Variants in NHSL2 observed in about 807,000 individuals in gnomAD.
NHSL2 encodes the protein NHS like 2, also known as NHS-like protein 2.
NHSL2 carries 27 observed loss-of-function variants against 53.4 expected under a neutral mutation model. The ratio of observed to expected loss-of-function variants is 0.51; its 90% confidence interval spans 0.37 to 0.70. The LOEUF (loss-of-function observed/expected upper bound fraction) is 0.70. NHSL2 is among the 30% of genes least tolerant of loss of function. The probability of loss-of-function intolerance (pLI) is 0.00; values close to 1 mark genes in which losing one functional copy is unlikely to be tolerated. For missense variants in NHSL2, 892 were observed against 980.1 expected, an observed-to-expected ratio of 0.91 and a Z score of 1.20; for synonymous variants, 408 against 404.1, an observed-to-expected ratio of 1.01 and a Z score of -0.12.
At chrX:72,039,990 C>A (rs1205673193) in intron 1 of NHSL2, among the ~76,000 whole-genome samples, 1 of 112,284 alleles carries the variant, frequency 8.9e-6, no homozygotes, top group Non-Finnish European at 1.9e-5. Flanking sequence ...TAGTTATTAT[C>A]ATTTCCATTA....
rs766826456 is a variant in NHSL2 at position 72,007,546 on chromosome X, C to T, written c.280+96179C>T. ...CCCCACATCACTGGCCTGGCTCTTG[C>T]CAAAGAAAGGTGGGCATGAGAAGAG... On this transcript the variant is annotated intron_variant, in intron 1 of 7. Coordinates refer to ENST00000633930, the MANE Select transcript of NHSL2 (RefSeq NM_001013627.3). Among the ~76,000 whole-genome samples the T allele has an allele frequency of 3.5e-5, 4 of 113,035 alleles. No homozygotes were observed. The Admixed American group carries it at 3.7e-4, about 10-fold the overall frequency.
chrX:71,966,705 G>A (rs763492220), intron 1 of NHSL2, among the ~76,000 whole-genome samples: 2 of 111,321 alleles, frequency 1.8e-5, no homozygotes, highest in African/African-American at 6.5e-5. Flanking sequence ...ATATTTTGTC[G>A]AGGATTTTTG....
intron 1 of NHSL2, chrX:72,130,753 T>C (rs765894115): frequency 8.3e-7 from 1 of 1,211,704 alleles, no homozygotes; most frequent in East Asian, 3.0e-5. Context: ...AGACAAGAAT[T>C]GGGCCAGGAA....
Position 72,072,202 on chromosome X carries a change from T to C in NHSL2, c.281-59877T>C, listed in dbSNP as rs1392915342. Among the ~76,000 whole-genome samples, 3 of 113,051 alleles carry C rather than the reference T, an allele frequency of 2.7e-5. No homozygotes were observed. The East Asian group carries it at 8.2e-4, about 31-fold the overall frequency. On this transcript the variant is annotated intron_variant, in intron 1 of 7. Transcript: ENST00000633930. Reference sequence around the variant, plus strand: ...CAAGTTCTGTATATATTTTAATGTGTATTCAAAAAATATATAACTAATACA... The same window carrying C: ...CAAGTTCTGTATATATTTTAATGTGCATTCAAAAAATATATAACTAATACA...
chrX:72,052,934 C>T (rs2042349098), intron 1 of NHSL2, among the ~76,000 whole-genome samples: 1 of 112,099 alleles, frequency 8.9e-6, no homozygotes, highest in Non-Finnish European at 1.9e-5. Flanking sequence ...ACTCAGCCCT[C>T]ATGCCCTCTG....
At chrX:71,938,926 G>A (rs747654968) in intron 1 of NHSL2, among the ~76,000 whole-genome samples, 23 of 112,765 alleles carry the variant, frequency 2.0e-4, no homozygotes, top group Non-Finnish European at 9.4e-5. Flanking sequence ...CGTAAGGTGC[G>A]GAGATGAGCA....
At chrX:71,964,314 T>C (rs2041891540) in intron 1 of NHSL2, among the ~76,000 whole-genome samples, 1 of 104,475 alleles carries the variant, frequency 9.6e-6, no homozygotes, top group South Asian at 4.4e-4. Context: ...ACATGCAGTG[T>C]TTGGTTTTCT....
At position 71,911,256 on chromosome X, in the gene NHSL2, C is replaced by T. The variant is rs2147804169; in HGVS notation, c.169C>T (p.His57Tyr). 8.7e-7 allele frequency: 1 copy of T among 1,145,524 alleles called. No individual in the cohort carries two copies. The highest frequency in any genetic ancestry group is 3.3e-5 in the East Asian group (1 of 29,930). The allele number at this position is 1,145,524 out of a possible 1,213,427, so 94.4% of individuals were successfully genotyped here. The change falls in exon 1 of 8, where the codon CAC becomes TAC. Residue 57 changes from histidine to tyrosine, a missense_variant. Physicochemically the swap from His to Tyr is moderately conservative, Grantham distance 83. Transcript: ENST00000633930. ...GGCTCTGCTCGAGGACCTCGAGGGG[C>T]ACCTGCTGGCCCTGGGGCGCCGCAC... ...SLALLEDLEG[H>Y]LLALGRRTDS... is the part of the protein sequence containing the mutation.
At chrX:72,141,922 C>T (rs1046014399) in intron 6 of NHSL2, among the ~76,000 whole-genome samples, 3 of 111,824 alleles carry the variant, frequency 2.7e-5, no homozygotes, top group Admixed American at 9.5e-5. Context: ...TAGTTTAGAT[C>T]ACTCCCAGCT....
At chrX:72,081,643 A>T (rs1216004844) in intron 1 of NHSL2, among the ~76,000 whole-genome samples, 1 of 111,794 alleles carries the variant, frequency 8.9e-6, no homozygotes, top group African/African-American at 3.3e-5. Flanking sequence ...GAGCCTTTAA[A>T]AAACAGACGC....
At chrX:72,088,050 G>C (rs1014666640) in intron 1 of NHSL2, among the ~76,000 whole-genome samples, 4 of 110,498 alleles carry the variant, frequency 3.6e-5, no homozygotes, top group Non-Finnish European at 3.8e-5. Flanking sequence ...GACCAACATG[G>C]AGAAACCCCG....
chrX:72,087,946 T>C (rs1300973670), intron 1 of NHSL2, among the ~76,000 whole-genome samples: 1 of 111,921 alleles, frequency 8.9e-6, no homozygotes, highest in Admixed American at 9.4e-5. Flanking sequence ...GGCTCACTCC[T>C]GTAATCCCAG....
intron 1 of NHSL2, among the ~76,000 whole-genome samples, chrX:72,106,664 A>C (rs2042043263): frequency 8.9e-6 from 1 of 112,160 alleles, no homozygotes; most frequent in South Asian, 3.7e-4. Context: ...ACACACACAC[A>C]GATATGTTTA....
intron 1 of NHSL2, among the ~76,000 whole-genome samples, chrX:72,124,969 C>T (rs2042211123): frequency 8.9e-6 from 1 of 112,160 alleles, no homozygotes. Context: ...TCCCCTTCCA[C>T]AGGGCAGCCA....
chrX:71,927,094 TTTG>T (rs1275617110), intron 1 of NHSL2, among the ~76,000 whole-genome samples: 1 of 112,097 alleles, frequency 8.9e-6, no homozygotes, highest in Non-Finnish European at 1.9e-5. Context: ...GTATGCTTCA[TTTG>T]AGAGACAGAA....
chrX:71,930,406 A>G lies in NHSL2; in HGVS notation c.280+19039A>G, dbSNP rs144787637. Among the ~76,000 whole-genome samples, 74 of 112,450 alleles carry G rather than the reference A, an allele frequency of 6.6e-4. No individual in the cohort carries two copies. In the East Asian group the frequency reaches 0.019, roughly 28 times the overall value. On this transcript the variant is annotated intron_variant, in intron 1 of 7. Coordinates refer to ENST00000633930, the MANE Select transcript of NHSL2 (RefSeq NM_001013627.3). Reference sequence around the variant, plus strand: ...CAGCTTTATTGAAAATAATTCACATACCATTTAATTCCCCCATTTAAAGTG... The same window carrying G: ...CAGCTTTATTGAAAATAATTCACATGCCATTTAATTCCCCCATTTAAAGTG...
At chrX:71,970,526 A>G (rs1014948141) in intron 1 of NHSL2, among the ~76,000 whole-genome samples, 1 of 110,452 alleles carries the variant, frequency 9.1e-6, no homozygotes, top group Non-Finnish European at 1.9e-5. Flanking sequence ...ATAGTTGTTC[A>G]TAGTATTTGT....
chrX:72,034,513 C>A (rs1312317039), intron 1 of NHSL2, among the ~76,000 whole-genome samples: 7 of 111,472 alleles, frequency 6.3e-5, no homozygotes, highest in African/African-American at 2.3e-4. Context: ...GTTAATTTTT[C>A]TTTAATGTTT....
chrX:72,062,268 G>A (rs781536504), intron 1 of NHSL2, among the ~76,000 whole-genome samples: 93 of 112,309 alleles, frequency 8.3e-4, no homozygotes, highest in African/African-American at 2.7e-3. Context: ...CTATTAGGGT[G>A]CAAGGAGAAA....
Sources: gnomAD v4.1 joint callset for allele counts (sites outside exome capture counted in the v4.1 genomes callset) on GRCh38, gnomAD v4.1.1 for gene constraint, MANE v1.5 for transcripts, NCBI Gene and HGNC (gene_info 2026-07-23, HGNC 2026-07-21) for gene names.